Variants in DOCK4 observed in about 807,000 individuals in gnomAD.
DOCK4 encodes the protein dedicator of cytokinesis protein 4.
In DOCK4, 97 loss-of-function variants were observed where a neutral mutation model predicts 268.1. That is an observed-to-expected ratio of 0.36 (90% CI 0.31 to 0.43). DOCK4 has a LOEUF of 0.43. Ranked by LOEUF, DOCK4 falls within the 20% of genes least tolerant of loss-of-function variation. DOCK4 has a pLI of 1.00. For synonymous variants in DOCK4, 954 were observed against 887.2 expected, an observed-to-expected ratio of 1.08 and a Z score of -1.34; for missense variants, 2,145 against 2,455.7, an observed-to-expected ratio of 0.87 and a Z score of 2.67.
At chr7:111,855,775 T>C (rs1319926009) in intron 23 of DOCK4, among the ~76,000 whole-genome samples, 1 of 152,218 alleles carries the variant, frequency 6.6e-6, no homozygotes, top group African/African-American at 2.4e-5. Flanking sequence ...TCTACTTTTG[T>C]GCTTTACTGT....
chr7:112,172,345 C>T (rs977429194), intron 1 of DOCK4, among the ~76,000 whole-genome samples: 8 of 152,098 alleles, frequency 5.3e-5, no homozygotes, highest in Non-Finnish European at 1.2e-4. Context: ...TTCTTGGTGG[C>T]CACCAGCCTC....
intron 23 of DOCK4, among the ~76,000 whole-genome samples, chr7:111,853,050 T>C (rs1804708431): frequency 6.6e-6 from 1 of 152,182 alleles, no homozygotes; most frequent in African/African-American, 2.4e-5. Flanking sequence ...TGACTCTCAT[T>C]TACTTTTTTG....
intron 1 of DOCK4, among the ~76,000 whole-genome samples, chr7:112,169,704 G>A (rs149103185): frequency 3.9e-5 from 6 of 152,162 alleles, no homozygotes; most frequent in Middle Eastern, 3.4e-3. Flanking sequence ...TTCTGGCCTC[G>A]ATTCCAGCAT....
rs577587045 is a variant in DOCK4, at chr7:111,981,016, A to C, written c.549+3290T>G. 2.2e-4 allele frequency among the ~76,000 whole-genome samples: 34 copies of C among 152,232 alleles called. 1 individual carries two copies. The highest frequency in any genetic ancestry group is 4.6e-4 in the Non-Finnish European group (31 of 68,046). Reference sequence around the variant, plus strand: ...TAGCACTTTTACTGCTTAAATGAACACAATTAGGTGAGAAAGATCTGCTAA... The same window carrying C: ...TAGCACTTTTACTGCTTAAATGAACCCAATTAGGTGAGAAAGATCTGCTAA... On this transcript the variant is annotated intron_variant, in intron 7 of 52. Coordinates refer to ENST00000428084, the MANE Select transcript of DOCK4 (RefSeq NM_001363540.2).
intron 1 of DOCK4, among the ~76,000 whole-genome samples, chr7:112,106,591 C>T (rs1586834472): frequency 6.6e-6 from 1 of 152,186 alleles, no homozygotes; most frequent in African/African-American, 2.4e-5. Context: ...CATTCCTCGC[C>T]TAGCCAATGT....
chr7:111,750,602 G>C (rs140071328), intron 42 of DOCK4, among the ~76,000 whole-genome samples: 2 of 152,114 alleles, frequency 1.3e-5, no homozygotes, highest in African/African-American at 4.8e-5. Flanking sequence ...CCTAGCAGAC[G>C]ATGTGTAATG....
intron 1 of DOCK4, among the ~76,000 whole-genome samples, chr7:112,050,670 G>A (rs1011838599): frequency 5.3e-5 from 8 of 152,164 alleles, no homozygotes; most frequent in South Asian, 4.2e-4. Flanking sequence ...GATAGCAAGC[G>A]TGCAAGAGAG....
Position 112,048,445 on chromosome 7 carries a change from C to G in DOCK4, c.38-44314G>C, listed in dbSNP as rs189616324. 1.5e-3 allele frequency among the ~76,000 whole-genome samples: 230 copies of G among 149,640 alleles called. 3 individuals carry two copies. Among genetic ancestry groups the G allele is most frequent in the Non-Finnish European group, 2.8e-3 (186 of 67,520 alleles). ...AGGTGTGGTGGTAGATTCCTGTAATCCCAGCTACTCAGGAGGCTGAGACAG... is the reference window on the plus strand; with the variant it reads ...AGGTGTGGTGGTAGATTCCTGTAATGCCAGCTACTCAGGAGGCTGAGACAG... On this transcript the variant is annotated intron_variant, in intron 1 of 52. Coordinates refer to ENST00000428084, the MANE Select transcript of DOCK4 (RefSeq NM_001363540.2).
At chr7:111,846,790 A>C (rs1172868666) in intron 24 of DOCK4, among the ~76,000 whole-genome samples, 1 of 152,198 alleles carries the variant, frequency 6.6e-6, no homozygotes, top group Non-Finnish European at 1.5e-5. Context: ...TTGAAATACA[A>C]GTTTGGGGAA....
At chr7:112,166,591 A>G (rs548920404) in intron 1 of DOCK4, among the ~76,000 whole-genome samples, 1 of 152,314 alleles carries the variant, frequency 6.6e-6, no homozygotes, top group South Asian at 2.1e-4. Flanking sequence ...CATTTCATAG[A>G]GGATTTATTT....
chr7:111,876,272 T>A (rs746132946), intron 17 of DOCK4, among the ~76,000 whole-genome samples: 2 of 152,172 alleles, frequency 1.3e-5, no homozygotes, highest in Non-Finnish European at 1.5e-5. Context: ...GATGTTACAT[T>A]TTCTTTTTTT....
At chr7:111,731,813 GAC>G (rs367799905) in intron 52 of DOCK4, among the ~76,000 whole-genome samples, 15 of 152,208 alleles carry the variant, frequency 9.9e-5, no homozygotes, top group South Asian at 2.1e-4. Flanking sequence ...AAGGCAAAAA[GAC>G]ACAGAATATT....
At chr7:112,192,868 GA>G (rs901045935) in intron 1 of DOCK4, among the ~76,000 whole-genome samples, 2 of 149,794 alleles carry the variant, frequency 1.3e-5, no homozygotes, top group South Asian at 2.1e-4. Flanking sequence ...TTGTCACTAA[GA>G]AAAAAAAATG....
intron 8 of DOCK4, among the ~76,000 whole-genome samples, chr7:111,952,841 T>A (rs1156229239): frequency 6.6e-6 from 1 of 152,108 alleles, no homozygotes; most frequent in Non-Finnish European, 1.5e-5. Context: ...CAACTGTCAT[T>A]TTTTTTATAC....
intron 1 of DOCK4, among the ~76,000 whole-genome samples, chr7:112,016,843 A>C (rs1468758786): frequency 1.2e-4 from 19 of 152,214 alleles, no homozygotes; most frequent in Non-Finnish European, 2.8e-4. Context: ...AATGGAAACA[A>C]ATTAACGTTT....
At chr7:111,892,510 T>C (rs991815051) in intron 16 of DOCK4, among the ~76,000 whole-genome samples, 2 of 152,180 alleles carry the variant, frequency 1.3e-5, no homozygotes, top group African/African-American at 4.8e-5. Context: ...CCCAGTTTTA[T>C]TTCTTACATT....
chr7:111,945,838 A>G, intron 8 of DOCK4, 40 bp from the exon 9 acceptor site: 1 of 1,476,698 alleles, frequency 6.8e-7, no homozygotes, highest in African/African-American at 1.4e-5. Flanking sequence ...AAAATTATTT[A>G]ATAGTTAAAG....
chr7:112,099,005 G>A (rs1045536722), intron 1 of DOCK4, among the ~76,000 whole-genome samples: 1 of 152,006 alleles, frequency 6.6e-6, no homozygotes, highest in African/African-American at 2.4e-5. Flanking sequence ...AGTAGTTCAA[G>A]AAGGCCAGGT....
rs540536711 is a variant in DOCK4, at chr7:112,139,076, A to T, written c.37+67026T>A. On this transcript the variant is annotated intron_variant, in intron 1 of 52. Coordinates refer to ENST00000428084, the MANE Select transcript of DOCK4 (RefSeq NM_001363540.2). The stretch of plus-strand genomic sequence containing the variant: ...CCCCAAGTCTGTGGCATTTTGTGAC[A>T]GTAGCCTGAGCAGACTAAGGCAGTA... Among the ~76,000 whole-genome samples, 4 of 152,312 alleles carry T rather than the reference A, an allele frequency of 2.6e-5. No homozygotes were observed. In the South Asian group the frequency reaches 8.3e-4, roughly 32 times the overall value.
Sources: gnomAD v4.1 joint callset for allele counts (sites outside exome capture counted in the v4.1 genomes callset) on GRCh38, gnomAD v4.1.1 for gene constraint, MANE v1.5 for transcripts, NCBI Gene and HGNC (gene_info 2026-07-23, HGNC 2026-07-21) for gene names.